The following TEX52 variants were observed in gnomAD, a reference collection of about 807,000 sequenced individuals.
The protein encoded by TEX52 is testis expressed 52.
Under a neutral mutation model 17.6 loss-of-function variants are expected in TEX52, and 22 were observed. The observed-to-expected ratio is 1.25, with a 90% CI of 0.89 to 1.78. TEX52 has a LOEUF of 1.78. TEX52 is among the 40% of genes most tolerant of loss of function. TEX52 has a pLI of 0.00. For synonymous variants in TEX52, 168 were observed against 147.4 expected (o/e 1.14, Z -1.01); for missense variants, 396 against 372.3 (o/e 1.06, Z -0.52).
At chr12:2,854,452 C>T (rs2098080969) in intron 2 of TEX52, among the ~76,000 whole-genome samples, 1 of 152,222 alleles carries the variant, frequency 6.6e-6, no homozygotes, top group South Asian at 2.1e-4. Flanking sequence ...AGCTGGGCAC[C>T]TCACCATGGT....
intron 2 of TEX52, among the ~76,000 whole-genome samples, chr12:2,853,025 A>T (rs1481932751): frequency 1.3e-5 from 2 of 151,992 alleles, no homozygotes; most frequent in Non-Finnish European, 2.9e-5. Context: ...ACAAAAAAAA[A>T]CGGGGTTAAT....
Position 2,855,259 on chromosome 12 carries a change from C to G in TEX52, c.260G>C (p.Gly87Ala), listed in dbSNP as rs1228031541. ...AAAGCCCCAGGTGTGCTGGGCGCCACCCTTCCAAGGGTGGATGAGCCGCTG... is the reference window on the plus strand; with the variant it reads ...AAAGCCCCAGGTGTGCTGGGCGCCAGCCTTCCAAGGGTGGATGAGCCGCTG... The part of the protein sequence containing the change: ...VRQRLIHPWK[G>A]GAQHTWGFHT... The change falls in exon 2 of 3, where the codon GGT becomes GCT. Residue 87 changes from glycine to alanine, a missense_variant. Physicochemically the swap from Gly to Ala is moderately conservative, Grantham distance 60 (BLOSUM62 0). Coordinates refer to ENST00000637658, the MANE Select transcript of TEX52 (RefSeq NM_001365174.2). 3.3e-6 allele frequency: 5 copies of G among 1,511,822 alleles called. No homozygotes were observed. The highest frequency in any genetic ancestry group is 4.4e-6 in the Non-Finnish European group (5 of 1,130,166). The allele number at this position is 1,511,822 out of a possible 1,614,324, so 93.7% of individuals were successfully genotyped here.
chr12:2,853,511 G>A (rs888905196), intron 2 of TEX52, among the ~76,000 whole-genome samples: 2 of 152,110 alleles, frequency 1.3e-5, no homozygotes, highest in Non-Finnish European at 2.9e-5. Flanking sequence ...GACCTCAGGC[G>A]ATCTGCCTGC....
chr12:2,849,328 A>G lies in TEX52; in HGVS notation c.821T>C (p.Ile274Thr), dbSNP rs187689396. ...QDLIRDFQTL[I>T]KDRTALPLHH... is the part of the protein sequence containing the mutation. Reference sequence around the variant, plus strand: ...GAGGGGTAAGGCAGTTCTGTCCTTTATCAGGGTTTGGAAATCCCTTATGAG... The same window carrying G: ...GAGGGGTAAGGCAGTTCTGTCCTTTGTCAGGGTTTGGAAATCCCTTATGAG... The change falls in exon 3 of 3, where the codon ATA (isoleucine) becomes ACA (threonine). Residue 274 changes from isoleucine to threonine, a missense_variant. Physicochemically the swap from Ile to Thr is moderately conservative, Grantham distance 89. Coordinates refer to ENST00000637658, the MANE Select transcript of TEX52 (RefSeq NM_001365174.2). 219 of 1,536,110 alleles carry G rather than the reference A, an allele frequency of 1.4e-4. No individual in the cohort carries two copies. The highest frequency in any genetic ancestry group is 1.4e-3 in the African/African-American group (102 of 73,170).
intron 1 of TEX52, among the ~76,000 whole-genome samples, chr12:2,856,140 T>C (rs1045668652): frequency 6.6e-6 from 1 of 152,168 alleles, no homozygotes; most frequent in African/African-American, 2.4e-5. Flanking sequence ...TGAGCAAGTA[T>C]TGCTATCGTC....
Position 2,854,895 on chromosome 12 carries a change from C to A in TEX52, c.623+1G>T. ...GGCTCCCTGAGGAGGCACCGTCTTA[C>A]TTCTTGAAGCTCGCTGGCGGCTGGA... On this transcript the variant is annotated splice_donor_variant, in intron 2 of 2. Coordinates refer to ENST00000637658, the MANE Select transcript of TEX52 (RefSeq NM_001365174.2). LOFTEE classifies it high-confidence loss of function. 1 of 1,532,860 alleles carries A rather than the reference C, an allele frequency of 6.5e-7. No individual in the cohort carries two copies. Among genetic ancestry groups the A allele is most frequent in the South Asian group, 1.2e-5 (1 of 83,564 alleles). 95.0% of individuals were successfully genotyped at this position (1,532,860 alleles called of 1,614,324 possible).
At chr12:2,848,079 G>C (rs1362428432), downstream of TEX52, among the ~76,000 whole-genome samples, 3 of 152,208 alleles carry the variant, frequency 2.0e-5, no homozygotes, top group African/African-American at 7.2e-5. Context: ...GAACCTGAAA[G>C]CCAGAGGGAA....
intron 2 of TEX52, among the ~76,000 whole-genome samples, chr12:2,851,501 C>T (rs2153928751): frequency 6.6e-6 from 1 of 152,058 alleles, no homozygotes; most frequent in East Asian, 2.0e-4. Context: ...CGCCACCATG[C>T]CCGGCTAGTT....
Position 2,849,401 on chromosome 12 carries a change from TCTC to T in TEX52, c.745_747del (p.Glu249del), listed in dbSNP as rs1565447248. 1.1e-5 allele frequency: 17 copies of T among 1,536,026 alleles called. No homozygotes were observed. In the East Asian group the frequency reaches 3.7e-4, roughly 33 times the overall value. ...GGCAGCAAGGCCAGCTTTAGCACCT[TCTC>T]CTGGTAGTGAGGCAGAGGGTTTGGG... is the stretch of plus-strand genomic sequence containing the variant. On this transcript the variant is annotated inframe_deletion, in exon 3 of 3. Transcript: ENST00000637658.
intron 2 of TEX52, among the ~76,000 whole-genome samples, chr12:2,852,827 G>A (rs994008789): frequency 6.6e-6 from 1 of 151,912 alleles, no homozygotes; most frequent in African/African-American, 2.4e-5. Context: ...GAGAAACCCC[G>A]TCTCTACTAA....
chr12:2,856,434 C>T (rs1460656184), intron 1 of TEX52, among the ~76,000 whole-genome samples: 11 of 152,150 alleles, frequency 7.2e-5, no homozygotes, highest in South Asian at 6.2e-4. Flanking sequence ...GGTGCAATCT[C>T]GGCTCACTGC....
rs1461728309 is a variant in TEX52, at chr12:2,849,302, G to A, written c.847C>T (p.His283Tyr). Residue 283 changes from histidine to tyrosine, a missense_variant, in exon 3 of 3, where the codon CAC becomes TAC. Coordinates refer to ENST00000637658, the MANE Select transcript of TEX52 (RefSeq NM_001365174.2). ...CTTGCTTGTGCCTTGGAGAGATGGT[G>A]GAGGGGTAAGGCAGTTCTGTCCTTT... ...LIKDRTALPL[H>Y]HLSKAQASKS... 2.0e-6 allele frequency: 3 copies of A among 1,536,030 alleles called. No individual in the cohort carries two copies. Among genetic ancestry groups the A allele is most frequent in the African/African-American group, 1.4e-5 (1 of 73,044 alleles).
intron 2 of TEX52, among the ~76,000 whole-genome samples, chr12:2,850,945 T>A (rs2098068488): frequency 1.3e-5 from 2 of 151,204 alleles, no homozygotes; most frequent in Non-Finnish European, 2.9e-5. Flanking sequence ...GTGCTGAGAT[T>A]ACAAGCATGA....
chr12:2,848,911 A>ACT (rs1491074880), downstream of TEX52: 1 of 357,174 alleles, frequency 2.8e-6, no homozygotes, highest in Non-Finnish European at 5.1e-6. Flanking sequence ...ACACACACAC[A>ACT]CTCCTTCCTT....
intron 2 of TEX52, among the ~76,000 whole-genome samples, chr12:2,851,373 ACT>A (rs2098070317): frequency 6.6e-6 from 1 of 151,838 alleles, no homozygotes; most frequent in African/African-American, 2.4e-5. Flanking sequence ...ATGGAGTCTG[ACT>A]CTGTCCCTGA....
intron 2 of TEX52, among the ~76,000 whole-genome samples, chr12:2,850,682 T>C (rs1565448291): frequency 1.3e-5 from 2 of 151,420 alleles, no homozygotes; most frequent in African/African-American, 4.9e-5. Flanking sequence ...TGTTTTGTTT[T>C]GTTTTGTTGA....
intron 2 of TEX52, among the ~76,000 whole-genome samples, chr12:2,853,387 C>G (rs1216165812): frequency 6.6e-6 from 1 of 152,136 alleles, no homozygotes; most frequent in East Asian, 1.9e-4. Flanking sequence ...ATTCCCCTGC[C>G]TCAGCCTCCT....
At chr12:2,855,572 G>T in intron 1 of TEX52, 126 bp from the exon 2 acceptor site, 1 of 685,668 alleles carries the variant, frequency 1.5e-6, no homozygotes, top group Non-Finnish European at 2.2e-6. Context: ...TGAGGACGCA[G>T]AAGTCCTGGC....
intron 2 of TEX52, among the ~76,000 whole-genome samples, chr12:2,850,507 G>A (rs895980560): frequency 6.0e-5 from 9 of 150,794 alleles, no homozygotes; most frequent in African/African-American, 2.2e-4. Context: ...GGGGCCCCAG[G>A]TCATGATAAT....
Sources: gnomAD v4.1 joint callset for allele counts (sites outside exome capture counted in the v4.1 genomes callset) on GRCh38, gnomAD v4.1.1 for gene constraint, MANE v1.5 for transcripts, NCBI Gene and HGNC (gene_info 2026-07-23, HGNC 2026-07-21) for gene names.